The following MEMO1 variants were observed in gnomAD, a reference collection of about 807,000 sequenced individuals.
The protein encoded by MEMO1 is mediator of cell motility 1, also known as protein MEMO1.
MEMO1 carries 6 observed loss-of-function variants against 45.2 expected under a neutral mutation model. The ratio of observed to expected loss-of-function variants is 0.13; its 90% CI spans 0.07 to 0.26. The LOEUF (loss-of-function observed/expected upper bound fraction) is 0.26. MEMO1 is among the 10% of genes least tolerant of loss of function. The pLI, the probability that MEMO1 is intolerant of heterozygous loss-of-function variation, is 1.00. For synonymous variants in MEMO1, 78 were observed against 124.3 expected (o/e 0.63, Z 2.48); for missense variants, 184 against 370.5 (o/e 0.50, Z 4.13).
chr2:31,873,307 A>T (rs1236391961), intron 8 of MEMO1, among the ~76,000 whole-genome samples: 2 of 152,162 alleles, frequency 1.3e-5, no homozygotes, highest in Non-Finnish European at 2.9e-5. Flanking sequence ...AAGCCCATCC[A>T]TCAAGGATAC....
rs1667747291 is a variant in MEMO1, at chr2:31,959,348, A to G, written c.62-15965T>C. Among the ~76,000 whole-genome samples, 6 of 152,336 alleles carry G rather than the reference A, an allele frequency of 3.9e-5. No individual in the cohort carries two copies. In the South Asian group the frequency reaches 1.2e-3, roughly 32 times the overall value. ...AGTCCTGAGATACAGGTACTTGGGC[A>G]GAGAAGTAAGAAGTTGGGCCAATAA... is the stretch of plus-strand genomic sequence containing the variant. On this transcript the variant is annotated intron_variant, in intron 2 of 9. Transcript: ENST00000404530.
In MEMO1 at chr2:31,882,862, T is replaced by C. The variant is rs1485636683; in HGVS notation, c.657+524A>G. 2.0e-5 allele frequency among the ~76,000 whole-genome samples: 3 copies of C among 152,180 alleles called. No individual in the cohort carries two copies. In the East Asian group the frequency reaches 5.8e-4, roughly 29 times the overall value. ...TCCTCCAACAGAATACAGATTTTTA[T>C]TAGCTAATTCATAAAATCTTCATCA... On this transcript the variant is annotated intron_variant, in intron 8 of 9. Transcript: ENST00000404530.
intron 2 of MEMO1, among the ~76,000 whole-genome samples, chr2:31,983,790 G>C (rs1172274050): frequency 6.6e-6 from 1 of 152,208 alleles, no homozygotes; most frequent in Non-Finnish European, 1.5e-5. Context: ...GCTCCTTGGA[G>C]AAATAGAACA....
At chr2:31,995,405 G>C (rs1043215763) in intron 2 of MEMO1, among the ~76,000 whole-genome samples, 5 of 152,142 alleles carry the variant, frequency 3.3e-5, no homozygotes, top group African/African-American at 9.7e-5. Context: ...AGTGAGCCAA[G>C]ATTGCACCAC....
chr2:31,919,712 A>G (rs2148167262), intron 5 of MEMO1, among the ~76,000 whole-genome samples: 1 of 152,024 alleles, frequency 6.6e-6, no homozygotes, highest in South Asian at 2.1e-4. Context: ...AGTCCTACCT[A>G]CTTGGGAGGC....
At chr2:32,007,966 A>C (rs1674311032) in intron 2 of MEMO1, among the ~76,000 whole-genome samples, 1 of 152,208 alleles carries the variant, frequency 6.6e-6, no homozygotes, top group East Asian at 1.9e-4. Flanking sequence ...ATTGTCACAT[A>C]TCTGGCCTTA....
At chr2:31,980,856 A>G (rs1475229872) in intron 2 of MEMO1, among the ~76,000 whole-genome samples, 1 of 152,214 alleles carries the variant, frequency 6.6e-6, no homozygotes, top group African/African-American at 2.4e-5. Context: ...GCATGGTAAT[A>G]TAAGGCATAA....
intron 8 of MEMO1, among the ~76,000 whole-genome samples, chr2:31,871,593 C>G (rs1347455832): frequency 6.6e-6 from 1 of 152,054 alleles, no homozygotes; most frequent in Non-Finnish European, 1.5e-5. Context: ...ATTAGCCACT[C>G]TCAGATTGGT....
chr2:31,949,191 G>C (rs1040434053), intron 2 of MEMO1, among the ~76,000 whole-genome samples: 2 of 152,136 alleles, frequency 1.3e-5, no homozygotes, highest in Non-Finnish European at 2.9e-5. Context: ...CCACTATGGA[G>C]AACAGTTTGG....
In MEMO1 at chr2:31,920,138, T is replaced by C. The variant is rs550795315; in HGVS notation, c.325+660A>G. Among the ~76,000 whole-genome samples, 11 of 151,964 alleles carry C rather than the reference T, an allele frequency of 7.2e-5. No individual in the cohort carries two copies. In the South Asian group the frequency reaches 8.3e-4, roughly 11 times the overall value. On this transcript the variant is annotated intron_variant, in intron 5 of 9. Transcript: ENST00000404530. ...AGTTAATTTCTTATAGTACTCTTTA[T>C]ACTGTTCTATATTTTTAAAATTACT...
intron 8 of MEMO1, among the ~76,000 whole-genome samples, chr2:31,879,477 T>C (rs1186023085): frequency 6.6e-6 from 1 of 152,192 alleles, no homozygotes; most frequent in East Asian, 1.9e-4. Context: ...CCACTCCTCA[T>C]ACACCAATAA....
At chr2:31,881,619 A>T (rs1675386628) in intron 8 of MEMO1, among the ~76,000 whole-genome samples, 1 of 152,136 alleles carries the variant, frequency 6.6e-6, no homozygotes. Flanking sequence ...AGAAAAAAAC[A>T]AATTATTTGC....
intron 2 of MEMO1, among the ~76,000 whole-genome samples, chr2:31,951,204 G>A (rs1666806089): frequency 6.6e-6 from 1 of 152,168 alleles, no homozygotes; most frequent in Non-Finnish European, 1.5e-5. Flanking sequence ...AGTCATATCA[G>A]TAGGATTAAC....
chr2:31,971,392 C>T (rs943265396), intron 2 of MEMO1, among the ~76,000 whole-genome samples: 1 of 152,062 alleles, frequency 6.6e-6, no homozygotes, highest in African/African-American at 2.4e-5. Flanking sequence ...GGACTACAGG[C>T]TTGCATCACC....
In MEMO1 at chr2:31,933,676, C is replaced by T. The variant is rs375446810; in HGVS notation, c.144-1541G>A. ...CTACAGCAATACAAGATAGTAGTGG[C>T]GTTTAATTGGGAGCTCAATAATATG... On this transcript the variant is annotated intron_variant, in intron 3 of 9. Coordinates refer to ENST00000404530, the MANE Select transcript of MEMO1 (RefSeq NM_001301833.4). Among the ~76,000 whole-genome samples the T allele has an allele frequency of 8.6e-5, 13 of 151,848 alleles. No homozygotes were observed. In the East Asian group the frequency reaches 1.7e-3, roughly 20 times the overall value.
At chr2:31,957,748 G>T (rs1667567084) in intron 2 of MEMO1, among the ~76,000 whole-genome samples, 1 of 152,188 alleles carries the variant, frequency 6.6e-6, no homozygotes, top group African/African-American at 2.4e-5. Context: ...AGTTACAACA[G>T]TTTTATTTGT....
intron 2 of MEMO1, among the ~76,000 whole-genome samples, chr2:32,002,991 A>G (rs1673598503): frequency 6.6e-6 from 1 of 152,250 alleles, no homozygotes; most frequent in South Asian, 2.1e-4. Flanking sequence ...AGAAAACAGT[A>G]TTTAGTAACA....
At position 31,931,450 on chromosome 2, in the gene MEMO1, T is replaced by G. The variant is rs117744940; in HGVS notation, c.212+617A>C. ...TGGTTCATATCTAGTAAATTAACTG[T>G]GTAAATAAAATGAGTGACTATTTCC... On this transcript the variant is annotated intron_variant, in intron 4 of 9. Transcript: ENST00000404530. Among the ~76,000 whole-genome samples, 97 of 152,276 alleles carry G rather than the reference T, an allele frequency of 6.4e-4. 1 individual carries two copies. The East Asian group carries it at 0.018, about 28-fold the overall frequency.
At chr2:31,944,771 C>T (rs1002025363) in intron 2 of MEMO1, among the ~76,000 whole-genome samples, 1 of 152,064 alleles carries the variant, frequency 6.6e-6, no homozygotes, top group Non-Finnish European at 1.5e-5. Context: ...GTCCCCTTTA[C>T]AACAAATTTT....
Sources: gnomAD v4.1 joint callset for allele counts (sites outside exome capture counted in the v4.1 genomes callset) on GRCh38, gnomAD v4.1.1 for gene constraint, MANE v1.5 for transcripts, NCBI Gene and HGNC (gene_info 2026-07-23, HGNC 2026-07-21) for gene names.